FRMD4A: variants seen among roughly 807,000 people sequenced by gnomAD.
The protein encoded by FRMD4A is FERM domain-containing protein 4A.
In FRMD4A, 29 loss-of-function variants were observed where a neutral mutation model predicts 129.1. That is an observed-to-expected ratio of 0.22 (90% CI 0.17 to 0.31). FRMD4A has a LOEUF of 0.31. Ranked by LOEUF, FRMD4A falls within the 10% of genes least tolerant of loss-of-function variation. The probability of loss-of-function intolerance (pLI) is 1.00; values close to 1 mark genes in which losing one functional copy is unlikely to be tolerated. For synonymous variants in FRMD4A, 634 were observed against 571.6 expected, an observed-to-expected ratio of 1.11 and a Z score of -1.56; for missense variants, 1,272 against 1,375.8, an observed-to-expected ratio of 0.92 and a Z score of 1.19.
At chr10:14,145,425 C>T (rs1840028420) in intron 2 of FRMD4A, among the ~76,000 whole-genome samples, 1 of 152,118 alleles carries the variant, frequency 6.6e-6, no homozygotes, top group Non-Finnish European at 1.5e-5. Context: ...GAGCGCTGCT[C>T]TTTAAGAGGG....
At chr10:13,892,062 G>T (rs2094706247) in intron 2 of FRMD4A, among the ~76,000 whole-genome samples, 1 of 129,754 alleles carries the variant, frequency 7.7e-6, no homozygotes, top group Non-Finnish European at 1.6e-5. Flanking sequence ...CCCAGTCGCC[G>T]CCAGAGCTGG....
At chr10:14,093,996 G>A (rs1040137753) in intron 2 of FRMD4A, among the ~76,000 whole-genome samples, 3 of 152,224 alleles carry the variant, frequency 2.0e-5, no homozygotes, top group Non-Finnish European at 4.4e-5. Context: ...CTTGTCAAAT[G>A]ATAATGGAGC....
intron 2 of FRMD4A, among the ~76,000 whole-genome samples, chr10:13,942,070 C>T (rs1013457586): frequency 2.2e-4 from 34 of 152,166 alleles, no homozygotes; most frequent in Non-Finnish European, 4.4e-4. Flanking sequence ...GAAGACACCG[C>T]GCCCTGTTCC....
chr10:14,261,941 A>ACACACAC (rs1844815970), intron 2 of FRMD4A, among the ~76,000 whole-genome samples: 2 of 128,232 alleles, frequency 1.6e-5, no homozygotes. Flanking sequence ...CACCACACCA[A>ACACACAC]ACACACACAC....
chr10:14,023,360 A>G (rs965490721), intron 2 of FRMD4A, among the ~76,000 whole-genome samples: 16 of 152,028 alleles, frequency 1.1e-4, no homozygotes, highest in Admixed American at 7.2e-4. Context: ...TCAGACTCTC[A>G]CGTCTGCCAA....
rs765447123 is a variant in FRMD4A at position 13,656,668 on chromosome 10, G to T, written c.2921C>A (p.Thr974Asn). 6.6e-7 allele frequency: 1 copy of T among 1,515,408 alleles called. No individual in the cohort carries two copies. The highest frequency in any genetic ancestry group is 8.9e-7 in the Non-Finnish European group (1 of 1,128,390). 93.9% of individuals were successfully genotyped at this position (1,515,408 alleles called of 1,614,324 possible). ...QSTFVAHSRVTRMPQMCKATS... is the reference protein window; with the variant it reads ...QSTFVAHSRVNRMPQMCKATS... ...GGCCTTGCACATCTGGGGCATCCTG[G>T]TGACCCTGCTGTGCGCCACGAAGGT... The change falls in exon 22 of 25, where the codon ACC (threonine) becomes AAC (asparagine). Residue 974 changes from threonine to asparagine, a missense_variant. Thr to Asn is a moderately conservative substitution (Grantham distance 65, BLOSUM62 0). This residue lies in a region of FRMD4A where 972 missense variants were observed against 892.3 expected (regional missense o/e 1.09). Coordinates refer to ENST00000357447, the MANE Select transcript of FRMD4A (RefSeq NM_018027.5).
intron 6 of FRMD4A, among the ~76,000 whole-genome samples, chr10:13,766,668 T>A (rs2092297782): frequency 6.6e-6 from 1 of 152,152 alleles, no homozygotes; most frequent in Non-Finnish European, 1.5e-5. Context: ...CATGATACTG[T>A]TTCCCCCTTA....
intron 2 of FRMD4A, among the ~76,000 whole-genome samples, chr10:13,969,979 G>A (rs1253554775): frequency 2.0e-5 from 3 of 152,190 alleles, no homozygotes; most frequent in Admixed American, 2.0e-4. Flanking sequence ...CACATACCCA[G>A]CTTGGGGACT....
At chr10:13,972,426 A>C (rs2095523893) in intron 2 of FRMD4A, 1 of 488,914 alleles carries the variant, frequency 2.0e-6, no homozygotes, top group Admixed American at 6.4e-5. Flanking sequence ...AAGCGTCCCA[A>C]GTTTAGGTTG....
intron 2 of FRMD4A, among the ~76,000 whole-genome samples, chr10:14,220,816 G>T (rs867140994): frequency 2.6e-3 from 385 of 148,204 alleles, no homozygotes; most frequent in African/African-American, 9.0e-3. Context: ...GTGTGTTTGT[G>T]TGTGTGTGTG....
chr10:14,294,124 G>A (rs543146314), intron 2 of FRMD4A, among the ~76,000 whole-genome samples: 5 of 152,162 alleles, frequency 3.3e-5, no homozygotes, highest in East Asian at 1.9e-4. Flanking sequence ...GGGCACCCAG[G>A]GGATTCCTAA....
chr10:13,745,131 T>A (rs1337503736), intron 9 of FRMD4A, among the ~76,000 whole-genome samples: 1 of 152,204 alleles, frequency 6.6e-6, no homozygotes, highest in African/African-American at 2.4e-5. Context: ...TTACCCTGAT[T>A]TGACCACTGC....
chr10:13,740,258 T>C lies in FRMD4A; in HGVS notation c.615-7A>G, dbSNP rs747549794. 72 of 1,599,074 alleles carry C rather than the reference T, an allele frequency of 4.5e-5. No homozygotes were observed. The highest frequency in any genetic ancestry group is 8.3e-5 in the Admixed American group (5 of 59,982). On this transcript the variant is annotated splice_polypyrimidine_tract_variant and splice_region_variant and intron_variant, in intron 10 of 24. Coordinates refer to ENST00000357447, the MANE Select transcript of FRMD4A (RefSeq NM_018027.5). ...CTCCACGATGCTCATGTAGCTGGAA[T>C]GACAACACGAAGATACACAAACACA...
At chr10:14,058,834 C>T (rs117844580) in intron 2 of FRMD4A, among the ~76,000 whole-genome samples, 3 of 152,238 alleles carry the variant, frequency 2.0e-5, no homozygotes, top group Non-Finnish European at 4.4e-5. Context: ...TAAATCGTAG[C>T]TCCAAATGCA....
intron 2 of FRMD4A, among the ~76,000 whole-genome samples, chr10:14,261,941 AACACACACACACACAC>A (rs55763234): frequency 1.6e-4 from 21 of 128,320 alleles, no homozygotes; most frequent in South Asian, 5.5e-4. Context: ...CACCACACCA[AACACACACACACACAC>A]ACACACACAC....
intron 2 of FRMD4A, among the ~76,000 whole-genome samples, chr10:14,249,239 C>A (rs774188705): frequency 1.7e-4 from 26 of 151,862 alleles, no homozygotes; most frequent in Non-Finnish European, 2.8e-4. Flanking sequence ...ATAATCTCAG[C>A]TACTCAGGAG....
At chr10:14,147,679 G>A (rs1469957667) in intron 2 of FRMD4A, among the ~76,000 whole-genome samples, 1 of 151,994 alleles carries the variant, frequency 6.6e-6, no homozygotes, top group Non-Finnish European at 1.5e-5. Flanking sequence ...TATGAGAATC[G>A]AATGCCGCTG....
rs372127943 is a variant in FRMD4A at position 14,221,728 on chromosome 10, T to C, written c.45+108330A>G. 2.9e-4 allele frequency among the ~76,000 whole-genome samples: 44 copies of C among 150,022 alleles called. No individual in the cohort carries two copies. The South Asian group carries it at 3.6e-3, about 12-fold the overall frequency. The stretch of plus-strand genomic sequence containing the variant: ...GTACACAGTACCACGCCGGGTAATT[T>C]TTTTTTTTTAGAGATGGGGTCTCAC... On this transcript the variant is annotated intron_variant, in intron 2 of 24. Transcript: ENST00000357447.
intron 2 of FRMD4A, among the ~76,000 whole-genome samples, chr10:14,104,301 C>T (rs1434373353): frequency 1.3e-5 from 2 of 152,060 alleles, no homozygotes; most frequent in African/African-American, 4.8e-5. Flanking sequence ...ATCGACGTTA[C>T]ACCGCCATCA....
Sources: gnomAD v4.1 joint callset for allele counts (sites outside exome capture counted in the v4.1 genomes callset) on GRCh38, gnomAD v4.1.1 for gene constraint, gnomAD v4.1.1 regional missense constraint, MANE v1.5 for transcripts, NCBI Gene and HGNC (gene_info 2026-07-23, HGNC 2026-07-21) for gene names.